The following TASOR variants were observed in gnomAD, a reference collection of about 807,000 sequenced individuals.
TASOR encodes protein TASOR.
A neutral mutation model predicts 178.6 loss-of-function variants in TASOR; 53 were observed. The observed-to-expected ratio is 0.30, with a 90% CI of 0.24 to 0.37. The LOEUF (loss-of-function observed/expected upper bound fraction) is 0.37. Among genes scored for constraint, TASOR ranks in the 10% least tolerant of loss-of-function variants. TASOR has a pLI of 1.00. For synonymous variants in TASOR, 713 were observed against 696.2 expected (o/e 1.02, Z -0.38); for missense variants, 1,815 against 1,971.4 (o/e 0.92, Z 1.50).
rs1248155168 is a variant in TASOR at position 56,648,890 on chromosome 3, T to C, written c.1445A>G (p.Tyr482Cys). The C allele has an allele frequency of 6.2e-7, 1 of 1,611,530 alleles. No homozygotes were observed. Among genetic ancestry groups the C allele is most frequent in the Non-Finnish European group, 8.5e-7 (1 of 1,179,158 alleles). Residue 482 changes from tyrosine (Y) to cysteine (C), a missense_variant, in exon 13 of 24, where the codon TAT becomes TGT. By Grantham distance (194) the Tyr-to-Cys change is radical. Transcript: ENST00000683822. ...SPYQMVPPYE[Y>C]QTAKSRVLHA... ...TAGGACTCGAGACTTGGCAGTCTGA[T>C]ATTCTAAAAAACAGAAGCCAAACTC... is the stretch of plus-strand genomic sequence containing the variant.
intron 14 of TASOR, 42 bp downstream of exon 14, chr3:56,646,480 T>C (rs1225406012): frequency 2.0e-6 from 3 of 1,481,206 alleles, no homozygotes; most frequent in Admixed American, 2.1e-5. Context: ...AGAACAGAAC[T>C]ACTTTATTTT....
chr3:56,682,525 G>C, intron 1 of TASOR, 151 bp downstream of exon 1: 2 of 683,914 alleles, frequency 2.9e-6, no homozygotes, highest in Non-Finnish European at 4.4e-6. Flanking sequence ...AAACGCGGCA[G>C]CTGGGCGGCC....
intron 1 of TASOR, among the ~76,000 whole-genome samples, chr3:56,676,996 A>G (rs1296132454): frequency 6.6e-6 from 1 of 152,162 alleles, no homozygotes; most frequent in Non-Finnish European, 1.5e-5. Flanking sequence ...ATAATTTCTC[A>G]TTTTTTCTGG....
chr3:56,669,541 A>C (rs79178434), intron 5 of TASOR, among the ~76,000 whole-genome samples, 159 bp downstream of exon 5: 7,475 of 152,180 alleles, frequency 0.049, 190 homozygotes, highest in East Asian at 0.091. Context: ...CACACACACA[A>C]AAAAAGATGG....
intron 1 of TASOR, among the ~76,000 whole-genome samples, chr3:56,676,579 T>G (rs1317869651): frequency 6.6e-6 from 1 of 152,166 alleles, no homozygotes; most frequent in Non-Finnish European, 1.5e-5. Context: ...AAAGTTGGGT[T>G]TTACACGATT....
chr3:56,641,589 G>T lies in TASOR; in HGVS notation c.2379C>A (p.Val793=). The T allele has an allele frequency of 6.2e-7, 1 of 1,614,126 alleles. No homozygotes were observed. The highest frequency in any genetic ancestry group is 1.1e-5 in the South Asian group (1 of 91,066). The change falls in exon 15 of 24, where the codon GTC becomes GTA. Residue 793 remains valine, a synonymous_variant. Coordinates refer to ENST00000683822, the MANE Select transcript of TASOR (RefSeq NM_001365635.2). ...RHSDASLTDT[V]NKALGLSTDD... ...CAGTGCTCAATCCTAAGGCTTTGTT[G>T]ACTGTGTCTGTCAGAGATGCATCAG...
Position 56,652,548 on chromosome 3 carries a change from T to C in TASOR, c.1369-3491A>G, listed in dbSNP as rs369196650. ...CAGCCTGGATGACAAAGCAAGACCC[T>C]GCCTATTTAAAAAAAAAAAAAAAAT... On this transcript the variant is annotated intron_variant, in intron 11 of 23. Transcript: ENST00000683822. Among the ~76,000 whole-genome samples the C allele has an allele frequency of 5.2e-3, 686 of 131,108 alleles. 5 individuals carry two copies. The highest frequency in any genetic ancestry group is 0.02 in the African/African-American group (643 of 31,878). 86.0% of individuals were successfully genotyped at this position (131,108 alleles called of 152,430 possible).
chr3:56,649,141 G>A (rs1466798076), intron 11 of TASOR, 84 bp from the exon 12 acceptor site: 3 of 1,002,024 alleles, frequency 3.0e-6, no homozygotes, highest in Non-Finnish European at 4.2e-6. Flanking sequence ...TCTACTAATT[G>A]TAAAGAAAAA....
rs780012046 is a variant in TASOR at position 56,668,567 on chromosome 3, G to C, written c.736-9C>G. 3 of 1,524,796 alleles carry C rather than the reference G, an allele frequency of 2.0e-6. No individual in the cohort carries two copies. The highest frequency in any genetic ancestry group is 2.5e-5 in the South Asian group (2 of 80,614). 94.5% of individuals were successfully genotyped at this position (1,524,796 alleles called of 1,614,324 possible). A position where few individuals can be genotyped will look rare whatever the true frequency, so the allele number is the denominator to read the frequency against. On this transcript the variant is annotated splice_polypyrimidine_tract_variant and intron_variant, in intron 5 of 23. Coordinates refer to ENST00000683822, the MANE Select transcript of TASOR (RefSeq NM_001365635.2). Reference sequence around the variant, plus strand: ...ATACTCTTTATTTTACCCTAAAATAGAGAAAACCTTTTAAGTGTCTACCTA... The same window carrying C: ...ATACTCTTTATTTTACCCTAAAATACAGAAAACCTTTTAAGTGTCTACCTA...
chr3:56,670,756 G>C (rs1327148620), intron 3 of TASOR, among the ~76,000 whole-genome samples: 1 of 148,916 alleles, frequency 6.7e-6, no homozygotes, highest in Admixed American at 6.7e-5. Flanking sequence ...GCCAACATGG[G>C]GAAACCCCAA....
At chr3:56,668,208 C>T (rs13317989) in intron 6 of TASOR, among the ~76,000 whole-genome samples, 189 bp downstream of exon 6, 28,192 of 152,112 alleles carry the variant, frequency 0.19, 3,446 homozygotes, top group South Asian at 0.41. Context: ...AGACCCACTG[C>T]ATGTTTCTGA....
At chr3:56,674,967 C>T (rs1299506844) in intron 1 of TASOR, among the ~76,000 whole-genome samples, 1 of 151,758 alleles carries the variant, frequency 6.6e-6, no homozygotes, top group Admixed American at 6.6e-5. Flanking sequence ...TACAGGCACC[C>T]ACCACCACAC....
chr3:56,634,011 A>T, intron 17 of TASOR, 45 bp from the exon 18 acceptor site: 2 of 1,431,296 alleles, frequency 1.4e-6, no homozygotes, highest in Non-Finnish European at 1.8e-6. Flanking sequence ...CCAAAAAGAT[A>T]AGATATGAAA....
At chr3:56,677,150 G>A (rs901824674) in intron 1 of TASOR, among the ~76,000 whole-genome samples, 3 of 152,122 alleles carry the variant, frequency 2.0e-5, no homozygotes, top group African/African-American at 4.8e-5. Flanking sequence ...GTCCTCAGAG[G>A]TCATTTAACA....
chr3:56,638,221 T>C (rs1213147375), intron 17 of TASOR, among the ~76,000 whole-genome samples: 2 of 151,694 alleles, frequency 1.3e-5, no homozygotes, highest in Non-Finnish European at 2.9e-5. Flanking sequence ...AAAAATAAGC[T>C]GGGCATGGTG....
chr3:56,623,267 A>G lies in TASOR; in HGVS notation c.4783T>C (p.Phe1595Leu). 1.9e-6 allele frequency: 3 copies of G among 1,613,546 alleles called. No homozygotes were observed. The highest frequency in any genetic ancestry group is 2.5e-6 in the Non-Finnish European group (3 of 1,179,878). ...TTTAATTGACTATGATAAACCTGAA[A>G]GTTACTATATGAATCTTGTTCTGTT... ...NSTEQDSYSN[F>L]QVYHSQLNMS... is the part of the protein sequence containing the mutation. Residue 1595 changes from phenylalanine to leucine, a missense_variant, in exon 24 of 24, where the codon TTT (phenylalanine) becomes CTT (leucine). Transcript: ENST00000683822.
chr3:56,680,044 G>A (rs991563768), intron 1 of TASOR, among the ~76,000 whole-genome samples: 3 of 152,094 alleles, frequency 2.0e-5, no homozygotes, highest in Admixed American at 2.0e-4. Context: ...TTAATGAAGG[G>A]GGGGAACAGT....
chr3:56,633,342 T>C lies in TASOR; in HGVS notation c.3449A>G (p.Gln1150Arg), dbSNP rs761755136. 1.2e-6 allele frequency: 2 copies of C among 1,614,088 alleles called. No individual in the cohort carries two copies. Among genetic ancestry groups the C allele is most frequent in the East Asian group, 4.5e-5 (2 of 44,896 alleles). Residue 1150 changes from glutamine to arginine, a missense_variant, in exon 18 of 24, where the codon CAG (glutamine) becomes CGG (arginine). By Grantham distance (43) the Gln-to-Arg change is conservative. Transcript: ENST00000683822. ...TTCAGTTAAAGCCGAAGTGGAATGC[T>C]GCTCATCAGAGTTGGTATCTTTCAA... is the stretch of plus-strand genomic sequence containing the variant. ...DPLKDTNSDE[Q>R]HSTSALTEVE...
At chr3:56,678,188 T>TTTA in intron 1 of TASOR, among the ~76,000 whole-genome samples, 1 of 145,624 alleles carries the variant, frequency 6.9e-6, no homozygotes, top group Non-Finnish European at 1.5e-5. Flanking sequence ...TTTTTTTTTT[T>TTTA]TTTTTTTTTT....
Sources: allele counts gnomAD v4.1 joint callset (sites outside exome capture counted in the v4.1 genomes callset), GRCh38; gene constraint gnomAD v4.1.1; transcripts MANE v1.5; gene names NCBI Gene and HGNC (gene_info 2026-07-23, HGNC 2026-07-21).